ADAMTS6: variants seen among roughly 807,000 people sequenced by gnomAD.
The protein encoded by ADAMTS6 is ADAM metallopeptidase with thrombospondin type 1 motif 6, also known as A disintegrin and metalloproteinase with thrombospondin motifs 6.
In ADAMTS6, 23 loss-of-function variants were observed where a neutral mutation model predicts 144.3. That is an observed-to-expected ratio of 0.16 (90% CI 0.11 to 0.23). The LOEUF (loss-of-function observed/expected upper bound fraction) is 0.23, where lower values mean the gene tolerates loss of function less well. Ranked by LOEUF, ADAMTS6 falls within the 10% of genes least tolerant of loss-of-function variation. The pLI is 1.00. For synonymous variants in ADAMTS6, 444 were observed against 457.5 expected (o/e 0.97, Z 0.38); for missense variants, 999 against 1,379.6 (o/e 0.72, Z 4.37).
At chr5:65,306,214 C>T (rs137982346) in intron 9 of ADAMTS6, among the ~76,000 whole-genome samples, 27 of 152,242 alleles carry the variant, frequency 1.8e-4, no homozygotes, top group African/African-American at 6.0e-4. Flanking sequence ...TATCATGTAG[C>T]CAGCATTCAT....
Position 65,458,604 on chromosome 5 carries a change from G to T in ADAMTS6, c.631+1566C>A, listed in dbSNP as rs534937676. Among the ~76,000 whole-genome samples the T allele has an allele frequency of 3.3e-5, 5 of 152,248 alleles. No individual in the cohort carries two copies. The South Asian group carries it at 8.3e-4, about 25-fold the overall frequency. Reference sequence around the variant, plus strand: ...TTTTTGTATTTTTAGTAGAGACAGGGTTTCACCATATTGGCCAGGCTGATC... The same window carrying T: ...TTTTTGTATTTTTAGTAGAGACAGGTTTTCACCATATTGGCCAGGCTGATC... On this transcript the variant is annotated intron_variant, in intron 4 of 24. Coordinates refer to ENST00000381055, the MANE Select transcript of ADAMTS6 (RefSeq NM_197941.4).
intron 2 of ADAMTS6, among the ~76,000 whole-genome samples, chr5:65,472,303 G>T (rs1029526978): frequency 1.3e-5 from 2 of 152,094 alleles, no homozygotes; most frequent in African/African-American, 4.8e-5. Context: ...ATTTGGAAGT[G>T]ACCACTAAGA....
At position 65,343,492 on chromosome 5, in the gene ADAMTS6, T is replaced by C. The variant is rs748227252; in HGVS notation, c.1074-9407A>G. Among the ~76,000 whole-genome samples, 49 of 152,068 alleles carry C rather than the reference T, an allele frequency of 3.2e-4. 3 individuals are homozygous for C. Among genetic ancestry groups the C allele is most frequent in the Non-Finnish European group, 7.4e-5 (5 of 67,998 alleles). ...GTGCTGGGGAAACCAGATAACCATA[T>C]GCAAAAGAATGAAACCAGACCCCCA... On this transcript the variant is annotated intron_variant, in intron 7 of 24. Transcript: ENST00000381055.
At chr5:65,223,839 C>G (rs1483756024) in intron 18 of ADAMTS6, among the ~76,000 whole-genome samples, 1 of 150,490 alleles carries the variant, frequency 6.6e-6, no homozygotes, top group African/African-American at 2.4e-5. Context: ...TCGCTCAGTC[C>G]CCCAGGCTGG....
intron 7 of ADAMTS6, among the ~76,000 whole-genome samples, chr5:65,406,368 T>C (rs1458198628): frequency 6.6e-6 from 1 of 152,076 alleles, no homozygotes; most frequent in Non-Finnish European, 1.5e-5. Flanking sequence ...GGGTGTTGAA[T>C]TTTGTCAAAG....
intron 3 of ADAMTS6, among the ~76,000 whole-genome samples, chr5:65,465,248 C>G (rs56719694): frequency 6.6e-6 from 1 of 152,260 alleles, no homozygotes; most frequent in African/African-American, 2.4e-5. Context: ...ATATTCCCCT[C>G]CGATAGACAT....
intron 9 of ADAMTS6, among the ~76,000 whole-genome samples, chr5:65,316,127 G>T (rs1329890915): frequency 6.6e-6 from 1 of 152,082 alleles, no homozygotes; most frequent in Non-Finnish European, 1.5e-5. Context: ...GCCCAGGCTG[G>T]TTTCGAACTC....
chr5:65,460,488 A>T (rs1250205366), intron 3 of ADAMTS6, 150 bp from the exon 4 acceptor site: 23 of 696,300 alleles, frequency 3.3e-5, no homozygotes, highest in Non-Finnish European at 6.9e-6. Context: ...TCTGTACTCA[A>T]TTAAAACATT....
intron 7 of ADAMTS6, among the ~76,000 whole-genome samples, chr5:65,335,661 G>C (rs982454447): frequency 1.3e-5 from 2 of 151,874 alleles, no homozygotes; most frequent in African/African-American, 4.8e-5. Context: ...ACTAGGAATA[G>C]AAAGATAAAT....
intron 7 of ADAMTS6, among the ~76,000 whole-genome samples, chr5:65,439,983 T>G (rs1757741582): frequency 6.6e-6 from 1 of 152,122 alleles, no homozygotes; most frequent in Admixed American, 6.5e-5. Flanking sequence ...TTTTCTATTT[T>G]TAGTAGTAGA....
At position 65,471,077 on chromosome 5, in the gene ADAMTS6, C is replaced by T; in HGVS notation, c.163G>A (p.Ala55Thr). Residue 55 changes from alanine (A) to threonine (T), a missense_variant, in exon 3 of 25, where the codon GCA becomes ACA. By Grantham distance (58) the Ala-to-Thr change is moderately conservative. This residue lies in a region of ADAMTS6 where 252 missense variants were observed against 293.7 expected (regional missense o/e 0.86). Coordinates refer to ENST00000381055, the MANE Select transcript of ADAMTS6 (RefSeq NM_197941.4). ...TTTTTCACAGTAAAGCTGAGAAATG[C>T]TCCATTTTGATCAACCCTTATTGGA... is the stretch of plus-strand genomic sequence containing the variant. ...TIPIRVDQNG[A>T]FLSFTVKNDK... 1 of 1,610,654 alleles carries T rather than the reference C, an allele frequency of 6.2e-7. No individual in the cohort carries two copies. Among genetic ancestry groups the T allele is most frequent in the Non-Finnish European group, 8.5e-7 (1 of 1,178,788 alleles).
chr5:65,226,281 T>C, intron 15 of ADAMTS6, 62 bp from the exon 16 acceptor site: 1 of 1,546,620 alleles, frequency 6.5e-7, no homozygotes, highest in Middle Eastern at 1.7e-4. Context: ...AGTGATTCAG[T>C]ATTATCTATG....
At chr5:65,190,462 C>T (rs72758899) in intron 21 of ADAMTS6, among the ~76,000 whole-genome samples, 5,252 of 152,146 alleles carry the variant, frequency 0.035, 134 homozygotes, top group Middle Eastern at 0.058. Context: ...GATTTCATCA[C>T]CAAGATTAGG....
chr5:65,206,649 A>G (rs1475836574), intron 20 of ADAMTS6, among the ~76,000 whole-genome samples: 1 of 146,372 alleles, frequency 6.8e-6, no homozygotes, highest in East Asian at 2.0e-4. Context: ...GCAGTGAGCC[A>G]TGATCGTGCC....
At chr5:65,163,545 C>T (rs1353250019) in intron 24 of ADAMTS6, among the ~76,000 whole-genome samples, 1 of 152,070 alleles carries the variant, frequency 6.6e-6, no homozygotes, top group African/African-American at 2.4e-5. Flanking sequence ...TTAAAATTCC[C>T]AAGAAAACAC....
rs560743488 is a variant in ADAMTS6, at chr5:65,466,997, G to C, written c.462+3781C>G. ...GCGGAGCTTGCAGTGAGCCAAGATT[G>C]CGCCACTGCACCCAGCCTGGGCGAC... On this transcript the variant is annotated intron_variant, in intron 3 of 24. Transcript: ENST00000381055. Among the ~76,000 whole-genome samples, 68 of 150,586 alleles carry C rather than the reference G, an allele frequency of 4.5e-4. 1 individual carries two copies. Among genetic ancestry groups the C allele is most frequent in the Non-Finnish European group, 8.4e-4 (57 of 67,742 alleles).
At chr5:65,260,704 C>A (rs1761120024) in intron 13 of ADAMTS6, 41 bp from the exon 14 acceptor site, 1 of 1,480,088 alleles carries the variant, frequency 6.8e-7, no homozygotes. Context: ...ACTAATACAT[C>A]TGTCCATACA....
chr5:65,329,561 G>A (rs1746510707), intron 8 of ADAMTS6, 78 bp from the exon 9 acceptor site: 2 of 1,273,240 alleles, frequency 1.6e-6, no homozygotes, highest in Non-Finnish European at 1.1e-6. Flanking sequence ...TAAATGCCTG[G>A]ATTCTTTTTA....
At chr5:65,189,470 C>T (rs1407936213) in intron 21 of ADAMTS6, among the ~76,000 whole-genome samples, 1 of 152,146 alleles carries the variant, frequency 6.6e-6, no homozygotes, top group Non-Finnish European at 1.5e-5. Flanking sequence ...TCAAAGAATG[C>T]ACAGGAGCTA....
Sources: allele counts gnomAD v4.1 joint callset (sites outside exome capture counted in the v4.1 genomes callset), GRCh38; gene constraint gnomAD v4.1.1; regional missense constraint gnomAD v4.1.1; transcripts MANE v1.5; gene names NCBI Gene and HGNC (gene_info 2026-07-23, HGNC 2026-07-21).